The following TENM3 variants were observed in gnomAD, a reference collection of about 807,000 sequenced individuals.
TENM3 encodes the protein teneurin-3.
TENM3 carries 63 observed loss-of-function variants against 255.1 expected under a neutral mutation model. That is an observed-to-expected ratio of 0.25 (90% CI 0.20 to 0.30). The LOEUF is 0.30. Ranked by LOEUF, TENM3 falls within the 10% of genes least tolerant of loss-of-function variation. TENM3 has a pLI of 1.00. For missense variants in TENM3, 2,929 were observed against 3,461.1 expected, an observed-to-expected ratio of 0.85 and a Z score of 3.86; for synonymous variants, 1,306 against 1,322.3, an observed-to-expected ratio of 0.99 and a Z score of 0.27.
intron 12 of TENM3, among the ~76,000 whole-genome samples, chr4:182,697,393 T>G (rs892083894): frequency 3.3e-5 from 5 of 152,194 alleles, no homozygotes; most frequent in African/African-American, 1.2e-4. Flanking sequence ...GAGATTCTCC[T>G]AAACTGACCT....
chr4:182,530,565 C>T (rs752923298), intron 3 of TENM3, among the ~76,000 whole-genome samples: 4 of 152,104 alleles, frequency 2.6e-5, no homozygotes, highest in Non-Finnish European at 4.4e-5. Flanking sequence ...CTGTGCTGTG[C>T]GTTTTAGGAT....
chr4:181,740,356 G>T, the TENM3 span, among the ~76,000 whole-genome samples: 4 of 151,942 alleles, frequency 2.6e-5, no homozygotes, highest in African/African-American at 9.7e-5. Flanking sequence ...AATGATATGA[G>T]AATTTCAGAA....
the TENM3 span, among the ~76,000 whole-genome samples, chr4:182,089,214 T>C: frequency 0.13 from 19,440 of 152,196 alleles, 1,304 homozygotes; most frequent in Middle Eastern, 0.25. Context: ...TACAGCAGCC[T>C]GAACAGATGA....
chr4:181,505,470 T>G, the TENM3 span, among the ~76,000 whole-genome samples: 1 of 152,356 alleles, frequency 6.6e-6, no homozygotes, highest in Non-Finnish European at 1.5e-5. Flanking sequence ...TCTTTTTTCC[T>G]ATTTTCCCCA....
chr4:181,928,082 T>A, the TENM3 span, among the ~76,000 whole-genome samples: 1 of 151,900 alleles, frequency 6.6e-6, no homozygotes, highest in African/African-American at 2.4e-5. Flanking sequence ...AAAACCAGTA[T>A]AAAAAGGCTG....
intron 5 of TENM3, 122 bp from the exon 6 acceptor site, chr4:182,653,649 T>G: frequency 9.1e-7 from 1 of 1,094,052 alleles, no homozygotes; most frequent in Non-Finnish European, 1.3e-6. Flanking sequence ...GCAGTTATCC[T>G]TGGTATTTCA....
chr4:182,029,549 C>A, the TENM3 span, among the ~76,000 whole-genome samples: 2 of 152,022 alleles, frequency 1.3e-5, no homozygotes, highest in Non-Finnish European at 2.9e-5. Context: ...ATTGTTATAT[C>A]CTCTTGCTGA....
At position 182,568,088 on chromosome 4, in the gene TENM3, T is replaced by G. The variant is rs537821913; in HGVS notation, c.512-32836T>G. ...GAGAATAATAGGACTATAGATGAAG[T>G]TATGGGAATCATGTGCACCTAATTC... is the stretch of plus-strand genomic sequence containing the variant. On this transcript the variant is annotated intron_variant, in intron 3 of 27. Coordinates refer to ENST00000511685, the MANE Select transcript of TENM3 (RefSeq NM_001080477.4). Among the ~76,000 whole-genome samples, 3 of 152,288 alleles carry G rather than the reference T, an allele frequency of 2.0e-5. No individual in the cohort carries two copies. The East Asian group carries it at 5.8e-4, about 29-fold the overall frequency.
chr4:181,533,564 G>T, the TENM3 span, among the ~76,000 whole-genome samples: 1 of 151,826 alleles, frequency 6.6e-6, no homozygotes, highest in South Asian at 2.1e-4. Flanking sequence ...CCCGTTATTG[G>T]GCATACGATC....
chr4:181,527,422 G>A, the TENM3 span, among the ~76,000 whole-genome samples: 3 of 152,076 alleles, frequency 2.0e-5, no homozygotes, highest in Admixed American at 6.6e-5. Context: ...AGGCTGGAGT[G>A]CAGTGGCTTG....
chr4:181,996,936 A>G, the TENM3 span, among the ~76,000 whole-genome samples: 7 of 152,218 alleles, frequency 4.6e-5, no homozygotes, highest in Non-Finnish European at 8.8e-5. Flanking sequence ...GCAACACACA[A>G]TGAATGAATG....
At chr4:181,801,651 A>ATAT in the TENM3 span, among the ~76,000 whole-genome samples, 22 of 80,916 alleles carry the variant, frequency 2.7e-4, 1 homozygote, top group African/African-American at 9.4e-4. Context: ...AGAATTGTAA[A>ATAT]ATATATATAT....
At chr4:181,782,220 G>T in the TENM3 span, among the ~76,000 whole-genome samples, 1 of 152,120 alleles carries the variant, frequency 6.6e-6, no homozygotes, top group East Asian at 1.9e-4. Flanking sequence ...CGTACCTCTG[G>T]TAGAATTTGG....
the TENM3 span, among the ~76,000 whole-genome samples, chr4:181,650,907 T>A: frequency 6.6e-6 from 1 of 152,220 alleles, no homozygotes; most frequent in Non-Finnish European, 1.5e-5. Flanking sequence ...AATGTATGTT[T>A]TACAAGCATT....
At chr4:182,075,336 C>G in the TENM3 span, among the ~76,000 whole-genome samples, 1 of 151,464 alleles carries the variant, frequency 6.6e-6, no homozygotes, top group East Asian at 2.0e-4. Context: ...GTAGCTGGGA[C>G]TACAGGCACA....
chr4:182,149,165 C>T (rs1561139566), intron 1 of TENM3, among the ~76,000 whole-genome samples: 1 of 151,830 alleles, frequency 6.6e-6, no homozygotes, highest in Admixed American at 6.6e-5. Context: ...TTCTTGGCAT[C>T]GGATTGGTGT....
chr4:182,042,893 GT>G, the TENM3 span, among the ~76,000 whole-genome samples: 23 of 150,618 alleles, frequency 1.5e-4, no homozygotes, highest in South Asian at 4.8e-3. Flanking sequence ...GTGTGTGTGT[GT>G]GTGTGTGTGT....
At chr4:182,444,470 T>C (rs945585486) in intron 3 of TENM3, among the ~76,000 whole-genome samples, 1 of 152,194 alleles carries the variant, frequency 6.6e-6, no homozygotes, top group Non-Finnish European at 1.5e-5. Flanking sequence ...TAAGAGTCAG[T>C]CTAAACAGAC....
At chr4:181,662,793 AAG>A in the TENM3 span, among the ~76,000 whole-genome samples, 1 of 152,222 alleles carries the variant, frequency 6.6e-6, no homozygotes, top group Non-Finnish European at 1.5e-5. Flanking sequence ...AATTTATTCT[AAG>A]AGGGCTTTTT....
Sources: gnomAD v4.1 joint callset for allele counts (sites outside exome capture counted in the v4.1 genomes callset) on GRCh38, gnomAD v4.1.1 for gene constraint, MANE v1.5 for transcripts, NCBI Gene and HGNC (gene_info 2026-07-23, HGNC 2026-07-21) for gene names.